Variants in CD7 observed in about 807,000 individuals in gnomAD.
The protein encoded by CD7 is T-cell antigen CD7.
In CD7, 19 loss-of-function variants were observed where a neutral mutation model predicts 17.6. The observed-to-expected ratio is 1.08, with a 90% CI of 0.75 to 1.58. CD7 has a LOEUF of 1.58. CD7 is among the 40% of genes most tolerant of loss of function. CD7 has a pLI of 0.00. For synonymous variants in CD7, 160 were observed against 159.8 expected, an observed-to-expected ratio of 1.00 and a Z score of -0.01; for missense variants, 291 against 327.1, an observed-to-expected ratio of 0.89 and a Z score of 0.85.
Position 82,316,734 on chromosome 17 carries a change from G to A in CD7, c.330C>T (p.Gly110=). ...TMHRLQLSDT[G]TYTCQAITEV... The stretch of plus-strand genomic sequence containing the variant: ...CCGTGATGGCCTGGCAGGTGTAGGT[G>A]CCAGTGTCCGACAGCTGCAGGCGGT... The change falls in exon 2 of 4, where the codon GGC becomes GGT. Residue 110 remains glycine, a synonymous_variant. Transcript: ENST00000312648. The A allele has an allele frequency of 6.2e-7, 1 of 1,613,680 alleles. No homozygotes were observed. The highest frequency in any genetic ancestry group is 8.5e-7 in the Non-Finnish European group (1 of 1,179,948).
intron 1 of CD7, 80 bp downstream of exon 1, chr17:82,317,334 G>T: frequency 1.5e-6 from 2 of 1,343,776 alleles, no homozygotes; most frequent in Non-Finnish European, 1.0e-6. Flanking sequence ...GCTGTGCTGT[G>T]GCTCAGACTG....
In CD7 at chr17:82,315,218, C is replaced by T. The variant is rs1006606224; in HGVS notation, c.*103G>A. 8 of 718,288 alleles carry T rather than the reference C, an allele frequency of 1.1e-5. No individual in the cohort carries two copies. Among genetic ancestry groups the T allele is most frequent in the African/African-American group, 9.1e-5 (4 of 43,874 alleles). The allele number at this position is 718,288 out of a possible 1,614,324, so 44.5% of individuals were successfully genotyped here. ...TGGGCCCTTCAAACTCTGCTGCAGC[C>T]GTGGGAGGACAGCAGGGTGAGGGGT... On this transcript the variant is annotated 3_prime_UTR_variant, in exon 4 of 4. Transcript: ENST00000312648.
Position 82,316,283 on chromosome 17 carries a change from G to A in CD7, c.524C>T (p.Ala175Val), listed in dbSNP as rs2052013541. 6.8e-7 allele frequency: 1 copy of A among 1,462,788 alleles called. No individual in the cohort carries two copies. Among genetic ancestry groups the A allele is most frequent in the Non-Finnish European group, 9.4e-7 (1 of 1,063,536 alleles). 90.6% of individuals were successfully genotyped at this position (1,462,788 alleles called of 1,614,324 possible). A position where few individuals can be genotyped will look rare whatever the true frequency, so the allele number is the denominator to read the frequency against. The change falls in exon 3 of 4, where the codon GCA becomes GTA. Residue 175 changes from alanine (A) to valine (V), a missense_variant. Ala to Val is a moderately conservative substitution (Grantham distance 64). Coordinates refer to ENST00000312648, the MANE Select transcript of CD7 (RefSeq NM_006137.7). Reference sequence around the variant, plus strand: ...CAGGGCCGCAGGGAGGGCAGAGGCTGCTGGCGGGTCAGGGAGGGCAGAGGC... The same window carrying A: ...CAGGGCCGCAGGGAGGGCAGAGGCTACTGGCGGGTCAGGGAGGGCAGAGGC... ...QTASALPDPP[A>V]ASALPAALAV...
At chr17:82,316,063 T>G in intron 3 of CD7, 132 bp downstream of exon 3, 2 of 1,002,992 alleles carry the variant, frequency 2.0e-6, no homozygotes, top group South Asian at 2.7e-5. Flanking sequence ...ACTTCCACCC[T>G]GAGAGTTCCA....
Position 82,316,889 on chromosome 17 carries a change from G to A in CD7, c.175C>T (p.Leu59=), listed in dbSNP as rs376533040. Residue 59 remains leucine, a synonymous_variant, in exon 2 of 4, where the codon CTG becomes TTG. Transcript: ENST00000312648. ...STSGGLRGIY[L]RQLGPQPQDI... is the part of the protein sequence containing the mutation. Reference sequence around the variant, plus strand: ...TGGGGCTGTGGCCCGAGCTGCCTCAGGTAGATCCCACGCAGGCCCCCGCTG... The same window carrying A: ...TGGGGCTGTGGCCCGAGCTGCCTCAAGTAGATCCCACGCAGGCCCCCGCTG... The A allele has an allele frequency of 5.6e-5, 91 of 1,613,372 alleles. No individual in the cohort carries two copies. The highest frequency in any genetic ancestry group is 1.7e-4 in the Middle Eastern group (1 of 6,060).
chr17:82,316,635 G>T, intron 2 of CD7, 32 bp downstream of exon 2: 1 of 1,597,292 alleles, frequency 6.3e-7, no homozygotes, highest in Non-Finnish European at 8.5e-7. Context: ...GCTGGGGTTG[G>T]GAGGGGGGTC....
chr17:82,317,279 C>T (rs1226705414), intron 1 of CD7, 135 bp downstream of exon 1: 3 of 891,048 alleles, frequency 3.4e-6, no homozygotes, highest in South Asian at 1.5e-5. Flanking sequence ...TTAAATGAGT[C>T]CTCAGACACT....
rs775961541 is a variant in CD7, at chr17:82,317,464, G to A, written c.32C>T (p.Pro11Leu). 3 of 1,574,728 alleles carry A rather than the reference G, an allele frequency of 1.9e-6. No individual in the cohort carries two copies. Among genetic ancestry groups the A allele is most frequent in the Admixed American group, 1.8e-5 (1 of 55,560 alleles). ...GCCGCGAGCCAGCGCCAGAAGCAGG[G>A]GCAGCAGCAGGAGCCTCGGAGGCCC... MAGPPRLLLL[P>L]LLLALARGLP... The change falls in exon 1 of 4, where the codon CCC becomes CTC. Residue 11 changes from proline (P) to leucine (L), a missense_variant. Physicochemically the swap from Pro to Leu is moderately conservative, Grantham distance 98. Transcript: ENST00000312648.
At chr17:82,316,644 T>C (rs753970297) in intron 2 of CD7, 23 bp downstream of exon 2, 1 of 1,598,778 alleles carries the variant, frequency 6.3e-7, no homozygotes, top group Non-Finnish European at 8.5e-7. Flanking sequence ...GGGAGGGGGG[T>C]CTGGGATGGG....
chr17:82,315,984 C>T, intron 3 of CD7: 1 of 664,456 alleles, frequency 1.5e-6, no homozygotes, highest in East Asian at 2.7e-5. Flanking sequence ...CACGCGGGCC[C>T]AGCGCCTGGG....
In CD7 at chr17:82,315,112, C is replaced by T. The variant is rs2051995918; in HGVS notation, c.*209G>A. On this transcript the variant is annotated 3_prime_UTR_variant, in exon 4 of 4. Transcript: ENST00000312648. Reference sequence around the variant, plus strand: ...GCGTGGGCTGGGCAGGGAAGGCTTCCCGGAGGAGGCATCATTGTCCACTGA... The same window carrying T: ...GCGTGGGCTGGGCAGGGAAGGCTTCTCGGAGGAGGCATCATTGTCCACTGA... The T allele has an allele frequency of 1.5e-5, 8 of 538,536 alleles. No individual in the cohort carries two copies. Among genetic ancestry groups the T allele is most frequent in the South Asian group, 2.1e-5 (1 of 48,570 alleles). The allele number at this position is 538,536 out of a possible 1,614,324, so 33.4% of individuals were successfully genotyped here. A position where few individuals can be genotyped will look rare whatever the true frequency, so the allele number is the denominator to read the frequency against.
intron 3 of CD7, 65 bp from the exon 4 acceptor site, chr17:82,315,496 C>A: frequency 7.9e-7 from 1 of 1,268,666 alleles, no homozygotes; most frequent in Non-Finnish European, 1.1e-6. Context: ...CACCCCACTC[C>A]GGTCAGCTTT....
At position 82,315,080 on chromosome 17, in the gene CD7, G is replaced by A. The variant is rs568654338; in HGVS notation, c.*241C>T. On this transcript the variant is annotated 3_prime_UTR_variant, in exon 4 of 4. Coordinates refer to ENST00000312648, the MANE Select transcript of CD7 (RefSeq NM_006137.7). Reference sequence around the variant, plus strand: ...CCAAAGGACAGTCAGGCTTCCTCCCGGTGGCGGCGTGGGCTGGGCAGGGAA... The same window carrying A: ...CCAAAGGACAGTCAGGCTTCCTCCCAGTGGCGGCGTGGGCTGGGCAGGGAA... The A allele has an allele frequency of 2.1e-5, 10 of 480,412 alleles. No individual in the cohort carries two copies. Among genetic ancestry groups the A allele is most frequent in the African/African-American group, 1.2e-4 (6 of 51,092 alleles). The allele number at this position is 480,412 out of a possible 1,614,324, so 29.8% of individuals were successfully genotyped here.
At position 82,316,265 on chromosome 17, in the gene CD7, G is replaced by GCAGGGAGGGCAGAGGCTGCTGGCGGGT. The variant is rs779696544; in HGVS notation, c.515_541dup (p.Asp172_Pro180dup). On this transcript the variant is annotated inframe_insertion, in exon 3 of 4. Transcript: ENST00000312648. ...GAGGAAGGAGATCACCGCCAGGGCC[G>GCAGGGAGGGCAGAGGCTGCTGGCGGGT]CAGGGAGGGCAGAGGCTGCTGGCGG... The GCAGGGAGGGCAGAGGCTGCTGGCGGGT allele has an allele frequency of 2.6e-4, 409 of 1,575,910 alleles. 4 individuals carry two copies. The South Asian group carries it at 4.4e-3, about 17-fold the overall frequency.
In CD7 at chr17:82,315,100, A is replaced by G. The variant is rs1248353310; in HGVS notation, c.*221T>C. ...CTCCCGGTGGCGGCGTGGGCTGGGC[A>G]GGGAAGGCTTCCCGGAGGAGGCATC... On this transcript the variant is annotated 3_prime_UTR_variant, in exon 4 of 4. Transcript: ENST00000312648. 5.8e-6 allele frequency: 3 copies of G among 517,568 alleles called. No individual in the cohort carries two copies. The highest frequency in any genetic ancestry group is 1.1e-5 in the Non-Finnish European group (3 of 282,646). The allele number at this position is 517,568 out of a possible 1,614,324, so 32.1% of individuals were successfully genotyped here. A position where few individuals can be genotyped will look rare whatever the true frequency, so the allele number is the denominator to read the frequency against.
chr17:82,317,095 G>A (rs371755819), intron 1 of CD7, 114 bp from the exon 2 acceptor site: 11 of 998,264 alleles, frequency 1.1e-5, no homozygotes, highest in East Asian at 1.1e-4. Context: ...GGGCTGACAT[G>A]TCGCCAAAGA....
At chr17:82,316,515 A>G in intron 2 of CD7, 106 bp from the exon 3 acceptor site, 1 of 1,261,462 alleles carries the variant, frequency 7.9e-7, no homozygotes, top group Non-Finnish European at 1.1e-6. Context: ...GAGGAGGGGC[A>G]GCTATCTAGG....
rs1259072984 is a variant in CD7 at position 82,316,771 on chromosome 17, G to A, written c.293C>T (p.Thr98Ile). The change falls in exon 2 of 4, where the codon ACT (threonine) becomes ATT (isoleucine). Residue 98 changes from threonine (T) to isoleucine (I), a missense_variant. Thr to Ile is a moderately conservative substitution (Grantham distance 89). Transcript: ENST00000312648. ...IDFSGSQDNL[T>I]ITMHRLQLSD... is the part of the protein sequence containing the mutation. The stretch of plus-strand genomic sequence containing the variant: ...CAGCTGCAGGCGGTGCATGGTGATA[G>A]TCAGGTTGTCCTGGGACCCTGAGAA... 1.2e-6 allele frequency: 2 copies of A among 1,613,832 alleles called. No individual in the cohort carries two copies. The highest frequency in any genetic ancestry group is 2.2e-5 in the South Asian group (2 of 91,090).
chr17:82,315,281 C>CT lies in CD7; in HGVS notation c.*39dup. The CT allele has an allele frequency of 7.5e-7, 1 of 1,337,326 alleles. No individual in the cohort carries two copies. Among genetic ancestry groups the CT allele is most frequent in the Non-Finnish European group, 1.1e-6 (1 of 951,994 alleles). The allele number at this position is 1,337,326 out of a possible 1,614,324, so 82.8% of individuals were successfully genotyped here. A position where few individuals can be genotyped will look rare whatever the true frequency, so the allele number is the denominator to read the frequency against. Reference sequence around the variant, plus strand: ...GGGGCATGGTGGGGCAGGGAAGGTGCTGGGGGGACCACAGGCGGGACGTGC... The same window carrying CT: ...GGGGCATGGTGGGGCAGGGAAGGTGCTTGGGGGGACCACAGGCGGGACGTGC... On this transcript the variant is annotated 3_prime_UTR_variant, in exon 4 of 4. Coordinates refer to ENST00000312648, the MANE Select transcript of CD7 (RefSeq NM_006137.7).
Sources: allele counts gnomAD v4.1 joint callset, GRCh38; gene constraint gnomAD v4.1.1; transcripts MANE v1.5; gene names NCBI Gene and HGNC (gene_info 2026-07-23, HGNC 2026-07-21).